The following GGCX variants were observed in gnomAD, a reference collection of about 807,000 sequenced individuals.
GGCX encodes the protein gamma-glutamyl carboxylase.
A neutral mutation model predicts 88.5 loss-of-function variants in GGCX; 63 were observed. That is an observed-to-expected ratio of 0.71 (90% CI 0.58 to 0.88). The LOEUF (loss-of-function observed/expected upper bound fraction) is 0.88, where lower values mean the gene tolerates loss of function less well. GGCX is among the 40% of genes least tolerant of loss of function. The pLI, the probability that GGCX is intolerant of heterozygous loss-of-function variation, is 0.00. For missense variants in GGCX, 805 were observed against 932.9 expected (o/e 0.86, Z 1.79); for synonymous variants, 368 against 365.8 (o/e 1.01, Z -0.07).
rs780537570 is a variant in GGCX at position 85,553,509 on chromosome 2, G to A, written c.890-12C>T. On this transcript the variant is annotated splice_polypyrimidine_tract_variant and intron_variant, in intron 7 of 14. Transcript: ENST00000233838. ...GTAGGAGAACATACCTAGGAAAGCA[G>A]GGAGAAAATACATATTTCAGGAGTT... The A allele has an allele frequency of 7.4e-6, 12 of 1,612,920 alleles. No individual in the cohort carries two copies. Among genetic ancestry groups the A allele is most frequent in the Admixed American group, 6.7e-5 (4 of 59,998 alleles).
chr2:85,555,656 A>G, intron 5 of GGCX, 66 bp from the exon 6 acceptor site: 4 of 889,650 alleles, frequency 4.5e-6, no homozygotes. Context: ...GCAAGAATAA[A>G]ATAAGGAGCA....
At position 85,554,298 on chromosome 2, in the gene GGCX, A is replaced by G; in HGVS notation, c.734T>C (p.Leu245Ser). The G allele has an allele frequency of 6.2e-7, 1 of 1,613,950 alleles. No individual in the cohort carries two copies. The highest frequency in any genetic ancestry group is 1.3e-5 in the African/African-American group (1 of 75,050). ...HWLFSPFKLL[L>S]SEELTSLLVV... ...CAGCAGGCTAGTCAGCTCCTCAGACAACAGCAGTCTGCAAACACATGGAGA... is the reference window on the plus strand; with the variant it reads ...CAGCAGGCTAGTCAGCTCCTCAGACGACAGCAGTCTGCAAACACATGGAGA... Residue 245 changes from leucine (L) to serine (S), a missense_variant, in exon 7 of 15, where the codon TTG becomes TCG. Transcript: ENST00000233838.
In GGCX at chr2:85,550,703, C is replaced by T; in HGVS notation, c.1936G>A (p.Val646Ile). Residue 646 changes from valine to isoleucine, a missense_variant, in exon 14 of 15, where the codon GTA becomes ATA. This residue lies in a region of GGCX where 680 missense variants were observed against 763.7 expected (regional missense o/e 0.89). Transcript: ENST00000233838. ...GGTGTTGGCTCAGGGCCCCCTTTTA[C>T]TTCCCCTTCCAACAGAGGCTGCAGC... ...PELQPLLEGE[V>I]KGGPEPTPLV... 6.2e-7 allele frequency: 1 copy of T among 1,614,168 alleles called. No individual in the cohort carries two copies. The highest frequency in any genetic ancestry group is 8.5e-7 in the Non-Finnish European group (1 of 1,180,020).
At position 85,545,394 on chromosome 2, in the gene GGCX, T is replaced by A. The variant is rs1015577736; in HGVS notation, c.*4540A>T. 5 of 152,482 alleles carry A rather than the reference T, an allele frequency of 3.3e-5. No homozygotes were observed. The highest frequency in any genetic ancestry group is 1.2e-4 in the African/African-American group (5 of 41,448). The allele number at this position is 152,482 out of a possible 1,614,324, so 9.4% of individuals were successfully genotyped here. On this transcript the variant is annotated 3_prime_UTR_variant, in exon 15 of 15. Transcript: ENST00000233838. Reference sequence around the variant, plus strand: ...TCACTTTAACATAGAAGTTGGAGGCTGTAGCGAACCATTATCAAGCCACTG... The same window carrying A: ...TCACTTTAACATAGAAGTTGGAGGCAGTAGCGAACCATTATCAAGCCACTG...
chr2:85,549,942 C>G lies in GGCX; in HGVS notation c.2269G>C (p.Glu757Gln). 3 of 1,611,906 alleles carry G rather than the reference C, an allele frequency of 1.9e-6. No homozygotes were observed. The highest frequency in any genetic ancestry group is 2.5e-6 in the Non-Finnish European group (3 of 1,178,160). Residue 757 changes from glutamate to glutamine, a missense_variant, in exon 15 of 15, where the codon GAG (glutamate) becomes CAG (glutamine). By Grantham distance (29) the Glu-to-Gln change is conservative. Coordinates refer to ENST00000233838, the MANE Select transcript of GGCX (RefSeq NM_000821.7). ...PESNPDPVHS[E>Q]F Reference sequence around the variant, plus strand: ...CCAACATCTGGCCCCCTTCAGAACTCTGAGTGGACAGGATCAGGATTTGAC... The same window carrying G: ...CCAACATCTGGCCCCCTTCAGAACTGTGAGTGGACAGGATCAGGATTTGAC...
At position 85,561,095 on chromosome 2, in the gene GGCX, T is replaced by A. The variant is rs1023768002; in HGVS notation, c.44-110A>T. The A allele has an allele frequency of 4.3e-6, 4 of 929,758 alleles. No homozygotes were observed. The East Asian group carries it at 9.6e-5, about 22-fold the overall frequency. The allele number at this position is 929,758 out of a possible 1,614,324, so 57.6% of individuals were successfully genotyped here. ...CTTCCGCCCACCCGGGTCGGCTCAA[T>A]GAGGTTGCCTCAATGATCTGACTAT... On this transcript the variant is annotated intron_variant, in intron 1 of 14. Coordinates refer to ENST00000233838, the MANE Select transcript of GGCX (RefSeq NM_000821.7).
chr2:85,551,224 A>G (rs1466808313), intron 12 of GGCX, 152 bp from the exon 13 acceptor site: 2 of 830,858 alleles, frequency 2.4e-6, no homozygotes, highest in Non-Finnish European at 4.0e-6. Context: ...GGCTCTTCAC[A>G]GTCCCAGGGG....
chr2:85,561,433 C>T lies in GGCX; in HGVS notation c.-5G>A, dbSNP rs1692457956. Reference sequence around the variant, plus strand: ...GGACCCGGCAGACACCGCCATTGCTCTGCGGAGGAGGCAGGTGGGTCACAG... The same window carrying T: ...GGACCCGGCAGACACCGCCATTGCTTTGCGGAGGAGGCAGGTGGGTCACAG... On this transcript the variant is annotated 5_prime_UTR_variant, in exon 1 of 15. Transcript: ENST00000233838. The T allele has an allele frequency of 2.5e-6, 4 of 1,571,144 alleles. No individual in the cohort carries two copies. Among genetic ancestry groups the T allele is most frequent in the Non-Finnish European group, 3.5e-6 (4 of 1,158,330 alleles).
chr2:85,556,323 C>T, intron 4 of GGCX, 63 bp from the exon 5 acceptor site: 1 of 970,232 alleles, frequency 1.0e-6, no homozygotes, highest in Non-Finnish European at 1.7e-6. Context: ...CTCCATCCTT[C>T]CTTTTATACA....
At position 85,545,815 on chromosome 2, in the gene GGCX, T is replaced by C. The variant is rs181889577; in HGVS notation, c.*4119A>G. The stretch of plus-strand genomic sequence containing the variant: ...TACATTTTTAAATTATGAGCTTAGT[T>C]TTAAGGGTTGTATGATGTTTTCATC... On this transcript the variant is annotated 3_prime_UTR_variant, in exon 15 of 15. Transcript: ENST00000233838. 12 of 152,312 alleles carry C rather than the reference T, an allele frequency of 7.9e-5. No individual in the cohort carries two copies. Among genetic ancestry groups the C allele is most frequent in the Admixed American group, 6.5e-4 (10 of 15,302 alleles). 9.4% of individuals were successfully genotyped at this position (152,312 alleles called of 1,614,324 possible).
chr2:85,559,094 A>G lies in GGCX; in HGVS notation c.215-19T>C, dbSNP rs1162298624. On this transcript the variant is annotated intron_variant, in intron 2 of 14. Transcript: ENST00000233838. ...AAGAACCCTAAGAAGGCAATAGGGG[A>G]GTTGGTCATTGGGCCTCAGCTAAGG... 1 of 1,611,844 alleles carries G rather than the reference A, an allele frequency of 6.2e-7. No homozygotes were observed. The highest frequency in any genetic ancestry group is 8.5e-7 in the Non-Finnish European group (1 of 1,177,996).
chr2:85,556,275 G>A lies in GGCX; in HGVS notation c.540-15C>T. 1 of 1,559,490 alleles carries A rather than the reference G, an allele frequency of 6.4e-7. No homozygotes were observed. On this transcript the variant is annotated splice_polypyrimidine_tract_variant and intron_variant, in intron 4 of 14. Coordinates refer to ENST00000233838, the MANE Select transcript of GGCX (RefSeq NM_000821.7). ...CGTCCACAGACCTACACCGAGGGAG[G>A]TAAACATTGAGGGGGGAGCTGCTTA...
In GGCX at chr2:85,551,952, T is replaced by TG; in HGVS notation, c.1468dup (p.Gln490ProfsTer39). ...GCGCTGAAAGGGTGACCAAGCGGCC[T>TG]GCACGATGTCCACACGAGGGTCAAA... On this transcript the variant is annotated frameshift_variant, in exon 11 of 15. Coordinates refer to ENST00000233838, the MANE Select transcript of GGCX (RefSeq NM_000821.7). LOFTEE classifies it high-confidence loss of function. The TG allele has an allele frequency of 6.2e-7, 1 of 1,614,078 alleles. No homozygotes were observed. Among genetic ancestry groups the TG allele is most frequent in the Non-Finnish European group, 8.5e-7 (1 of 1,179,940 alleles).
chr2:85,545,806 G>A lies in GGCX; in HGVS notation c.*4128C>T, dbSNP rs1292068926. ...TAATCTGCATACATTTTTAAATTAT[G>A]AGCTTAGTTTTAAGGGTTGTATGAT... On this transcript the variant is annotated 3_prime_UTR_variant, in exon 15 of 15. Transcript: ENST00000233838. 2 of 152,162 alleles carry A rather than the reference G, an allele frequency of 1.3e-5. No individual in the cohort carries two copies. The highest frequency in any genetic ancestry group is 1.9e-4 in the East Asian group (1 of 5,204). 9.4% of individuals were successfully genotyped at this position (152,162 alleles called of 1,614,324 possible).
At position 85,550,700 on chromosome 2, in the gene GGCX, T is replaced by C; in HGVS notation, c.1939A>G (p.Lys647Glu). Residue 647 changes from lysine (K) to glutamate (E), a missense_variant, in exon 14 of 15, where the codon AAA becomes GAA. This residue lies in a region of GGCX where 680 missense variants were observed against 763.7 expected (regional missense o/e 0.89). Transcript: ENST00000233838. Reference protein sequence around the residue: ...ELQPLLEGEVKGGPEPTPLVQ... With the variant: ...ELQPLLEGEVEGGPEPTPLVQ... ...AGAGGTGTTGGCTCAGGGCCCCCTT[T>C]TACTTCCCCTTCCAACAGAGGCTGC... 2 of 1,614,132 alleles carry C rather than the reference T, an allele frequency of 1.2e-6. No individual in the cohort carries two copies. The highest frequency in any genetic ancestry group is 1.7e-6 in the Non-Finnish European group (2 of 1,180,026).
intron 4 of GGCX, among the ~76,000 whole-genome samples, chr2:85,557,718 G>A (rs1472820801): frequency 6.6e-6 from 1 of 151,964 alleles, no homozygotes; most frequent in Admixed American, 6.6e-5. Context: ...ACCAGCCTGG[G>A]CAACAAAGCG....
chr2:85,552,525 G>A lies in GGCX; in HGVS notation c.1330C>T (p.Leu444=). 1 of 1,613,818 alleles carries A rather than the reference G, an allele frequency of 6.2e-7. No homozygotes were observed. The highest frequency in any genetic ancestry group is 1.1e-5 in the South Asian group (1 of 91,074). Residue 444 remains leucine (L), a synonymous_variant, in exon 10 of 15, where the codon CTG becomes TTG. Transcript: ENST00000233838. ...CTCAGGCAAGTGGCATATTGCTTCAGCATGTCTGCATGATCCTTCCATCGC... is the reference window on the plus strand; with the variant it reads ...CTCAGGCAAGTGGCATATTGCTTCAACATGTCTGCATGATCCTTCCATCGC... ...SRRWKDHADM[L]KQYATCLSRL...
At chr2:85,556,403 T>C (rs2103977602) in intron 4 of GGCX, 143 bp from the exon 5 acceptor site, 1 of 682,036 alleles carries the variant, frequency 1.5e-6, no homozygotes, top group Non-Finnish European at 2.7e-6. Flanking sequence ...TTTAGAATTA[T>C]ATGAGCAAAT....
rs1011603968 is a variant in GGCX, at chr2:85,546,177, ATAGGCGTGAGCCTATAATCC to A, written c.*3737_*3756del. The stretch of plus-strand genomic sequence containing the variant: ...GTAATATAGGCCACTATATAGTAAT[ATAGGCGTGAGCCTATAATCC>A]TAGCACTTTGGGAGGCCAAGGCATG... On this transcript the variant is annotated 3_prime_UTR_variant, in exon 15 of 15. Coordinates refer to ENST00000233838, the MANE Select transcript of GGCX (RefSeq NM_000821.7). 2.0e-5 allele frequency: 3 copies of A among 152,358 alleles called. No homozygotes were observed. Among genetic ancestry groups the A allele is most frequent in the African/African-American group, 7.2e-5 (3 of 41,558 alleles). The allele number at this position is 152,358 out of a possible 1,614,324, so 9.4% of individuals were successfully genotyped here.
Sources: gnomAD v4.1 joint callset for allele counts (sites outside exome capture counted in the v4.1 genomes callset) on GRCh38, gnomAD v4.1.1 for gene constraint, gnomAD v4.1.1 regional missense constraint, MANE v1.5 for transcripts, NCBI Gene and HGNC (gene_info 2026-07-23, HGNC 2026-07-21) for gene names.